The following ERC1 variants were observed in gnomAD, a reference collection of about 807,000 sequenced individuals.
ERC1 encodes the protein RAB6 interacting protein 2.
Under a neutral mutation model 132.0 loss-of-function variants are expected in ERC1, and 56 were observed. That is an observed-to-expected ratio of 0.42 (90% CI 0.34 to 0.53). ERC1 has a LOEUF of 0.53. Ranked by LOEUF, ERC1 falls within the 20% of genes least tolerant of loss-of-function variation. ERC1 has a pLI of 0.03. For missense variants in ERC1, 1,202 were observed against 1,349.9 expected, an observed-to-expected ratio of 0.89 and a Z score of 1.72; for synonymous variants, 478 against 476.1, an observed-to-expected ratio of 1.00 and a Z score of -0.05.
chr12:1,438,972 A>ATATATATATATATATATATATATATAT (rs1246217572), intron 17 of ERC1, among the ~76,000 whole-genome samples: 3 of 143,924 alleles, frequency 2.1e-5, no homozygotes, highest in African/African-American at 8.5e-5. Flanking sequence ...TATATATATA[A>ATATATATATATATATATATATATATAT]AAAATGACAT....
rs375526838 is a variant in ERC1 at position 1,329,137 on chromosome 12, A to C, written c.2780+39125A>C. Among the ~76,000 whole-genome samples, 50 of 146,764 alleles carry C rather than the reference A, an allele frequency of 3.4e-4. 9 individuals carry two copies. The South Asian group carries it at 0.011, about 33-fold the overall frequency. On this transcript the variant is annotated intron_variant, in intron 15 of 18. Transcript: ENST00000360905. ...AGTGAAACCCCATCTCTACTAAAAA[A>C]TACAAAATTAGCCAGGCGTGGTGGC...
At chr12:1,098,401 TG>T (rs1480886696) in intron 3 of ERC1, among the ~76,000 whole-genome samples, 2 of 152,070 alleles carry the variant, frequency 1.3e-5, no homozygotes, top group African/African-American at 4.8e-5. Context: ...ACAAAGGAGG[TG>T]GAAGAAAGCT....
rs142221098 is a variant in ERC1 at position 1,028,133 on chromosome 12, A to G, written c.230A>G (p.His77Arg). The G allele has an allele frequency of 3.1e-6, 5 of 1,614,096 alleles. No homozygotes were observed. The African/African-American group carries it at 5.3e-5, about 17-fold the overall frequency. The stretch of plus-strand genomic sequence containing the variant: ...TCTGGCCCTATGTATCTAAGTGACC[A>G]TGAAAATGTGGGTTCAGAAACACCT... ...ATSGPMYLSD[H>R]ENVGSETPKS... is the part of the protein sequence containing the mutation. The change falls in exon 2 of 19, where the codon CAT (histidine) becomes CGT (arginine). Residue 77 changes from histidine to arginine, a missense_variant. Transcript: ENST00000360905.
At chr12:1,097,234 T>G (rs1295544609) in intron 3 of ERC1, among the ~76,000 whole-genome samples, 1 of 152,202 alleles carries the variant, frequency 6.6e-6, no homozygotes, top group Non-Finnish European at 1.5e-5. Context: ...TTCGTGTGTA[T>G]AGAATTTGTG....
At chr12:1,393,204 A>G (rs2090126745) in intron 16 of ERC1, among the ~76,000 whole-genome samples, 1 of 152,254 alleles carries the variant, frequency 6.6e-6, no homozygotes, top group Non-Finnish European at 1.5e-5. Flanking sequence ...TTGTAAAAAG[A>G]AAAGATAAAA....
chr12:1,361,622 C>T (rs1006174964), intron 15 of ERC1, among the ~76,000 whole-genome samples: 5 of 152,040 alleles, frequency 3.3e-5, no homozygotes, highest in South Asian at 2.1e-4. Context: ...AGCCTAAATT[C>T]GCATTCCACC....
intron 12 of ERC1, among the ~76,000 whole-genome samples, chr12:1,210,131 G>T (rs1957729976): frequency 6.6e-6 from 1 of 152,216 alleles, no homozygotes; most frequent in Admixed American, 6.5e-5. Context: ...GGAGAAAAGA[G>T]TCACAAACTT....
Position 1,492,065 on chromosome 12 carries a change from G to A in ERC1, c.*1835G>A, listed in dbSNP as rs2094322918. On this transcript the variant is annotated 3_prime_UTR_variant, in exon 19 of 19. Coordinates refer to ENST00000360905, the MANE Select transcript of ERC1 (RefSeq NM_178040.4). Reference sequence around the variant, plus strand: ...CCAGCCCTTGACTGTCCCATTAACTGACATGGTCAGATTTCCAGCTCCCCC... The same window carrying A: ...CCAGCCCTTGACTGTCCCATTAACTAACATGGTCAGATTTCCAGCTCCCCC... 1 of 233,028 alleles carries A rather than the reference G, an allele frequency of 4.3e-6. No homozygotes were observed. The highest frequency in any genetic ancestry group is 5.6e-5 in the Admixed American group (1 of 17,766). The allele number at this position is 233,028 out of a possible 1,614,324, so 14.4% of individuals were successfully genotyped here.
At chr12:1,347,158 C>T (rs1186126689) in intron 15 of ERC1, among the ~76,000 whole-genome samples, 1 of 152,156 alleles carries the variant, frequency 6.6e-6, no homozygotes, top group African/African-American at 2.4e-5. Context: ...CATTGAAATA[C>T]TAGCGTACAT....
chr12:1,040,799 T>G (rs1045901219), intron 2 of ERC1, among the ~76,000 whole-genome samples: 1 of 152,190 alleles, frequency 6.6e-6, no homozygotes, highest in African/African-American at 2.4e-5. Context: ...ATGTGGTGAC[T>G]GTATAGGCCG....
intron 11 of ERC1, among the ~76,000 whole-genome samples, chr12:1,184,789 G>C (rs934947569): frequency 6.6e-6 from 1 of 152,094 alleles, no homozygotes; most frequent in East Asian, 1.9e-4. Flanking sequence ...GTCTTGCTCT[G>C]TCGTCCAGGC....
chr12:1,351,204 A>G (rs2084962805), intron 15 of ERC1, among the ~76,000 whole-genome samples: 3 of 152,236 alleles, frequency 2.0e-5, no homozygotes, highest in Admixed American at 2.0e-4. Flanking sequence ...TTTACTGCTT[A>G]CAAATCTAAA....
At chr12:1,372,980 T>C (rs1566704984) in intron 16 of ERC1, among the ~76,000 whole-genome samples, 1 of 152,252 alleles carries the variant, frequency 6.6e-6, no homozygotes, top group Non-Finnish European at 1.5e-5. Context: ...AGTCTTTATA[T>C]GTATTTATGT....
rs184545489 is a variant in ERC1, at chr12:1,378,237, G to A, written c.2925+6260G>A. Among the ~76,000 whole-genome samples the A allele has an allele frequency of 7.7e-4, 117 of 152,256 alleles. 1 individual carries two copies. Among genetic ancestry groups the A allele is most frequent in the African/African-American group, 2.6e-3 (110 of 41,544 alleles). On this transcript the variant is annotated intron_variant, in intron 16 of 18. Transcript: ENST00000360905. ...CTCAAATTTGATTTTCAAATTCTTA[G>A]CCCAGGGCCCTGACCGCTCCCCGTT...
intron 18 of ERC1, among the ~76,000 whole-genome samples, chr12:1,483,581 T>C (rs1354710514): frequency 1.3e-5 from 2 of 151,862 alleles, no homozygotes; most frequent in African/African-American, 4.8e-5. Flanking sequence ...ATATTTCTTA[T>C]TGCAAAATTG....
chr12:1,230,397 C>T (rs759004801), intron 12 of ERC1, among the ~76,000 whole-genome samples: 2 of 152,074 alleles, frequency 1.3e-5, no homozygotes, highest in Non-Finnish European at 2.9e-5. Flanking sequence ...TTAAATTTCC[C>T]TCCTATTATT....
At chr12:1,229,618 A>G (rs1486713594) in intron 12 of ERC1, among the ~76,000 whole-genome samples, 2 of 152,168 alleles carry the variant, frequency 1.3e-5, no homozygotes, top group Non-Finnish European at 1.5e-5. Flanking sequence ...ATTAATTTTC[A>G]TAATATTCTC....
chr12:1,179,476 AT>A (rs1397204541), intron 8 of ERC1, among the ~76,000 whole-genome samples: 1 of 151,182 alleles, frequency 6.6e-6, no homozygotes, highest in Non-Finnish European at 1.5e-5. Flanking sequence ...TCATGGTAGA[AT>A]AAAAATGAGT....
intron 2 of ERC1, among the ~76,000 whole-genome samples, chr12:1,030,190 T>A (rs74994063): frequency 0.028 from 4,305 of 152,328 alleles, 84 homozygotes; most frequent in South Asian, 0.092. Context: ...TCTTATACTC[T>A]TAAAGGAGAA....
Sources: allele counts gnomAD v4.1 joint callset (sites outside exome capture counted in the v4.1 genomes callset), GRCh38; gene constraint gnomAD v4.1.1; transcripts MANE v1.5; gene names NCBI Gene and HGNC (gene_info 2026-07-23, HGNC 2026-07-21).